Variants in DCC observed in about 807,000 individuals in gnomAD.
DCC encodes the protein DCC netrin 1 receptor, also known as netrin receptor DCC.
DCC carries 58 observed loss-of-function variants against 172.5 expected under a neutral mutation model. That is an observed-to-expected ratio of 0.34 (90% CI 0.27 to 0.42). The LOEUF (loss-of-function observed/expected upper bound fraction) is 0.42, where lower values mean the gene tolerates loss of function less well. DCC is among the 10% of genes least tolerant of loss of function. DCC has a pLI of 1.00. For synonymous variants in DCC, 709 were observed against 644.5 expected, an observed-to-expected ratio of 1.10 and a Z score of -1.52; for missense variants, 1,740 against 1,791.0, an observed-to-expected ratio of 0.97 and a Z score of 0.51.
chr18:53,046,519 C>G (rs537402627), intron 5 of DCC, among the ~76,000 whole-genome samples: 1 of 150,356 alleles, frequency 6.7e-6, no homozygotes, highest in East Asian at 1.9e-4. Context: ...TTTTTAGCAG[C>G]AGAAAATGTT....
intron 7 of DCC, among the ~76,000 whole-genome samples, chr18:53,085,684 A>T (rs2042868660): frequency 6.6e-6 from 1 of 151,922 alleles, no homozygotes; most frequent in African/African-American, 2.4e-5. Flanking sequence ...TTTAAATAGG[A>T]ATATAAAGCT....
At chr18:53,468,380 T>TTTTTTTTA (rs2045652573) in intron 25 of DCC, among the ~76,000 whole-genome samples, 1 of 135,152 alleles carries the variant, frequency 7.4e-6, no homozygotes, top group Non-Finnish European at 1.5e-5. Context: ...TATTTATTTA[T>TTTTTTTTA]TTTATTTATT....
At chr18:52,747,802 G>A (rs2145125082) in intron 1 of DCC, among the ~76,000 whole-genome samples, 1 of 152,320 alleles carries the variant, frequency 6.6e-6, no homozygotes, top group East Asian at 1.9e-4. Flanking sequence ...AAAGGGTTGA[G>A]GGGGTTTATC....
intron 5 of DCC, among the ~76,000 whole-genome samples, chr18:53,038,733 A>T (rs1445655440): frequency 6.6e-6 from 1 of 152,068 alleles, no homozygotes; most frequent in Non-Finnish European, 1.5e-5. Flanking sequence ...TGGCAGGAGC[A>T]GATATTGAGA....
chr18:53,131,827 A>C (rs1245645678), intron 7 of DCC, among the ~76,000 whole-genome samples: 1 of 152,088 alleles, frequency 6.6e-6, no homozygotes, highest in Non-Finnish European at 1.5e-5. Flanking sequence ...TAGAGAATTG[A>C]GTCAGCACAG....
chr18:52,561,663 C>A (rs1002513182), intron 1 of DCC, among the ~76,000 whole-genome samples: 1 of 152,102 alleles, frequency 6.6e-6, no homozygotes, highest in African/African-American at 2.4e-5. Flanking sequence ...CTGTAACAAC[C>A]AATCCAGGGC....
At chr18:53,217,499 G>T (rs1415357472) in intron 12 of DCC, among the ~76,000 whole-genome samples, 1 of 152,018 alleles carries the variant, frequency 6.6e-6, no homozygotes, top group Non-Finnish European at 1.5e-5. Flanking sequence ...CCAGGCACTG[G>T]AAAGTCACAC....
chr18:52,369,487 G>A (rs1170443627), intron 1 of DCC, among the ~76,000 whole-genome samples: 3 of 152,054 alleles, frequency 2.0e-5, no homozygotes, highest in African/African-American at 2.4e-5. Context: ...GCCGATGGAA[G>A]AGTGGGTGAA....
intron 9 of DCC, among the ~76,000 whole-genome samples, chr18:53,203,673 G>C (rs952361733): frequency 6.6e-6 from 1 of 152,164 alleles, no homozygotes; most frequent in African/African-American, 2.4e-5. Context: ...ATGCCAGTCA[G>C]TTTTTCCTAT....
chr18:52,712,600 A>G (rs1211468632), intron 1 of DCC, among the ~76,000 whole-genome samples: 1 of 152,214 alleles, frequency 6.6e-6, no homozygotes, highest in Non-Finnish European at 1.5e-5. Context: ...TATCCTGAGT[A>G]TTTCACAGTA....
At chr18:53,378,611 C>A (rs1319297794) in intron 15 of DCC, among the ~76,000 whole-genome samples, 1 of 152,148 alleles carries the variant, frequency 6.6e-6, no homozygotes, top group Admixed American at 6.5e-5. Flanking sequence ...AATAATTTAG[C>A]CTTTCTGTGT....
chr18:53,140,256 A>G (rs2043810054), intron 7 of DCC, among the ~76,000 whole-genome samples: 1 of 152,214 alleles, frequency 6.6e-6, no homozygotes, highest in African/African-American at 2.4e-5. Flanking sequence ...TATATATTAG[A>G]AAAACATATG....
chr18:52,605,250 T>A (rs1174719890), intron 1 of DCC, among the ~76,000 whole-genome samples: 1 of 152,128 alleles, frequency 6.6e-6, no homozygotes, highest in Non-Finnish European at 1.5e-5. Context: ...CTGTTCTTAA[T>A]ATAATATTTT....
At chr18:52,706,662 G>A (rs1324215073) in intron 1 of DCC, among the ~76,000 whole-genome samples, 2 of 152,066 alleles carry the variant, frequency 1.3e-5, no homozygotes, top group East Asian at 3.9e-4. Flanking sequence ...TTTTGTACAC[G>A]GATTCGTTTG....
At chr18:52,519,474 G>C (rs1215598871) in intron 1 of DCC, among the ~76,000 whole-genome samples, 1 of 152,156 alleles carries the variant, frequency 6.6e-6, no homozygotes, top group Non-Finnish European at 1.5e-5. Context: ...GTTTTGAAAA[G>C]ACATGTGCAA....
intron 1 of DCC, among the ~76,000 whole-genome samples, chr18:52,367,552 A>C (rs560744198): frequency 6.6e-6 from 1 of 152,214 alleles, no homozygotes; most frequent in African/African-American, 2.4e-5. Flanking sequence ...ATTTACTTTG[A>C]GTCCTTGTTG....
intron 2 of DCC, among the ~76,000 whole-genome samples, chr18:52,792,111 C>A (rs886940468): frequency 6.6e-6 from 1 of 151,920 alleles, no homozygotes; most frequent in South Asian, 2.1e-4. Context: ...GAGAGAGTAC[C>A]TATTCCACTA....
intron 5 of DCC, among the ~76,000 whole-genome samples, chr18:53,022,395 C>T (rs1445114814): frequency 1.3e-5 from 2 of 151,798 alleles, no homozygotes; most frequent in Non-Finnish European, 2.9e-5. Context: ...ATAATACTAT[C>T]TTATGAGATA....
At chr18:53,338,951 C>T (rs1297143583) in intron 14 of DCC, among the ~76,000 whole-genome samples, 1 of 152,120 alleles carries the variant, frequency 6.6e-6, no homozygotes, top group East Asian at 1.9e-4. Flanking sequence ...AGTGAGTATA[C>T]AATACAAGTT....
Sources: gnomAD v4.1 joint callset for allele counts (sites outside exome capture counted in the v4.1 genomes callset) on GRCh38, gnomAD v4.1.1 for gene constraint, MANE v1.5 for transcripts, NCBI Gene and HGNC (gene_info 2026-07-23, HGNC 2026-07-21) for gene names.